The following ARHGAP6 variants were observed in gnomAD, a reference collection of about 807,000 sequenced individuals.
The protein encoded by ARHGAP6 is rho GTPase-activating protein 6.
ARHGAP6 carries 16 observed loss-of-function variants against 55.7 expected under a neutral mutation model. The observed-to-expected ratio is 0.29, with a 90% CI of 0.19 to 0.44. ARHGAP6 has a LOEUF of 0.44. Among genes scored for constraint, ARHGAP6 ranks in the 20% least tolerant of loss-of-function variants. ARHGAP6 has a pLI of 1.00. For synonymous variants in ARHGAP6, 382 were observed against 360.9 expected (o/e 1.06, Z -0.66); for missense variants, 698 against 808.9 (o/e 0.86, Z 1.66).
intron 2 of ARHGAP6, among the ~76,000 whole-genome samples, chrX:11,253,334 A>G (rs1326989078): frequency 9.0e-6 from 1 of 111,282 alleles, no homozygotes; most frequent in African/African-American, 3.3e-5. Context: ...TTGTGTATAT[A>G]TATATGAACT....
intron 1 of ARHGAP6, among the ~76,000 whole-genome samples, chrX:11,630,775 T>C (rs1482610019): frequency 8.9e-6 from 1 of 112,133 alleles, no homozygotes; most frequent in Non-Finnish European, 1.9e-5. Context: ...TGACTGGCAA[T>C]AAGACAAAAT....
In ARHGAP6 at chrX:11,496,641, T is replaced by C. The variant is rs201451780; in HGVS notation, c.588+167600A>G. Among the ~76,000 whole-genome samples the C allele has an allele frequency of 8.0e-5, 9 of 112,446 alleles. No individual in the cohort carries two copies. In the East Asian group the frequency reaches 2.5e-3, roughly 31 times the overall value. ...CATTCTTATACAGACAGACATTTTC[T>C]ACATTTGTGTTATTGAAATCAAAGC... On this transcript the variant is annotated intron_variant, in intron 1 of 12. Transcript: ENST00000337414.
intron 1 of ARHGAP6, among the ~76,000 whole-genome samples, chrX:11,355,345 G>A (rs1215107672): frequency 1.8e-5 from 2 of 112,521 alleles, no homozygotes; most frequent in Non-Finnish European, 3.8e-5. Context: ...AGTGAGGCTA[G>A]AGAGGGGAAG....
chrX:11,354,315 C>A (rs868007973), intron 1 of ARHGAP6, among the ~76,000 whole-genome samples: 126 of 67,284 alleles, frequency 1.9e-3, no homozygotes, highest in African/African-American at 4.7e-3. Context: ...CTCTCTCTCT[C>A]TCTCTCTCTC....
At chrX:11,311,966 G>A (rs1442256165) in intron 1 of ARHGAP6, among the ~76,000 whole-genome samples, 1 of 108,303 alleles carries the variant, frequency 9.2e-6, no homozygotes, top group Non-Finnish European at 1.9e-5. Flanking sequence ...AACTGTGTTT[G>A]GCAAGCTCAA....
intron 1 of ARHGAP6, among the ~76,000 whole-genome samples, chrX:11,315,526 G>A (rs1488158443): frequency 8.9e-6 from 1 of 111,905 alleles, no homozygotes; most frequent in Non-Finnish European, 1.9e-5. Context: ...TAGATGATAA[G>A]TGGATGTTAA....
intron 1 of ARHGAP6, among the ~76,000 whole-genome samples, chrX:11,550,419 T>G (rs1401573881): frequency 2.7e-5 from 3 of 112,064 alleles, no homozygotes; most frequent in African/African-American, 9.7e-5. Flanking sequence ...TCTAAACAAG[T>G]AGTTCTCAAC....
At chrX:11,285,896 G>GCCC (rs1221743256) in intron 1 of ARHGAP6, among the ~76,000 whole-genome samples, 51 of 112,508 alleles carry the variant, frequency 4.5e-4, no homozygotes, top group African/African-American at 1.6e-3. Context: ...AATTAGATTA[G>GCCC]TAGGGTATGA....
At chrX:11,465,052 G>A (rs921046313) in intron 1 of ARHGAP6, among the ~76,000 whole-genome samples, 3 of 111,539 alleles carry the variant, frequency 2.7e-5, no homozygotes, top group Non-Finnish European at 5.7e-5. Context: ...ACTGATCTTC[G>A]GGTCTATGAT....
intron 9 of ARHGAP6, among the ~76,000 whole-genome samples, chrX:11,158,191 T>C (rs2045889824): frequency 8.9e-6 from 1 of 111,994 alleles, no homozygotes; most frequent in Admixed American, 9.5e-5. Context: ...CAAAGTCTAT[T>C]GAGCATTCCA....
intron 8 of ARHGAP6, among the ~76,000 whole-genome samples, chrX:11,177,321 A>G (rs1376967323): frequency 1.0e-5 from 1 of 99,167 alleles, no homozygotes; most frequent in Non-Finnish European, 2.0e-5. Context: ...CTTGAAATAT[A>G]TGAGTGTAAC....
At chrX:11,486,499 A>AAATCAATT (rs1398826525) in intron 1 of ARHGAP6, among the ~76,000 whole-genome samples, 12 of 112,280 alleles carry the variant, frequency 1.1e-4, no homozygotes, top group Middle Eastern at 9.3e-3. Context: ...ATGAAAACAT[A>AAATCAATT]AATCAATTAT....
intron 1 of ARHGAP6, among the ~76,000 whole-genome samples, chrX:11,530,420 T>A (rs995204724): frequency 8.9e-6 from 1 of 112,479 alleles, no homozygotes; most frequent in Non-Finnish European, 1.9e-5. Flanking sequence ...GGACTCAACT[T>A]GCTATCTTCA....
At chrX:11,660,387 C>T (rs2052682337) in intron 1 of ARHGAP6, among the ~76,000 whole-genome samples, 1 of 107,918 alleles carries the variant, frequency 9.3e-6, no homozygotes, top group Non-Finnish European at 1.9e-5. Flanking sequence ...ATAGTGAAAC[C>T]CAGTCTCTAC....
chrX:11,279,880 G>T (rs187264115), intron 1 of ARHGAP6, among the ~76,000 whole-genome samples: 1 of 111,581 alleles, frequency 9.0e-6, no homozygotes, highest in Admixed American at 9.5e-5. Context: ...CATAAAAAGT[G>T]GCTGAGCCAG....
intron 1 of ARHGAP6, among the ~76,000 whole-genome samples, chrX:11,506,621 T>TC (rs200556000): frequency 0.12 from 12,947 of 111,913 alleles, 753 homozygotes; most frequent in African/African-American, 0.21. Flanking sequence ...GTGCCACATT[T>TC]CTTTATCTAG....
At chrX:11,596,361 G>A (rs1293908796) in intron 1 of ARHGAP6, among the ~76,000 whole-genome samples, 1 of 111,357 alleles carries the variant, frequency 9.0e-6, no homozygotes. Context: ...TCATAAGTGG[G>A]AGTTGAACAA....
intron 1 of ARHGAP6, among the ~76,000 whole-genome samples, chrX:11,356,853 G>A (rs2048936442): frequency 9.0e-6 from 1 of 111,697 alleles, no homozygotes; most frequent in Admixed American, 9.5e-5. Flanking sequence ...TTATACTAAA[G>A]AAAATTGAGA....
At chrX:11,222,719 TTTA>T (rs1270745763) in intron 2 of ARHGAP6, among the ~76,000 whole-genome samples, 1 of 112,026 alleles carries the variant, frequency 8.9e-6, no homozygotes, top group Admixed American at 9.5e-5. Context: ...TTAAAAATAC[TTTA>T]TTGTGTATTA....
Sources: allele counts gnomAD v4.1 joint callset (sites outside exome capture counted in the v4.1 genomes callset), GRCh38; gene constraint gnomAD v4.1.1; transcripts MANE v1.5; gene names NCBI Gene and HGNC (gene_info 2026-07-23, HGNC 2026-07-21).